ZNF644: variants seen among roughly 807,000 people sequenced by gnomAD.
ZNF644 encodes the protein zinc finger protein 644, also known as zinc finger motif enhancer binding protein 2.
A neutral mutation model predicts 108.0 loss-of-function variants in ZNF644; 20 were observed. That is an observed-to-expected ratio of 0.19 (90% CI 0.13 to 0.27). The LOEUF (loss-of-function observed/expected upper bound fraction) is 0.27. ZNF644 is among the 10% of genes least tolerant of loss of function. The pLI is 1.00. For missense variants in ZNF644, 1,338 were observed against 1,548.9 expected (o/e 0.86, Z 2.29); for synonymous variants, 542 against 539.1 (o/e 1.01, Z -0.08).
intron 1 of ZNF644, among the ~76,000 whole-genome samples, chr1:90,988,254 CAA>C (rs1236474115): frequency 6.6e-6 from 1 of 152,044 alleles, no homozygotes; most frequent in Non-Finnish European, 1.5e-5. Context: ...AATTGTATTT[CAA>C]TGAGCAATTT....
At position 90,916,703 on chromosome 1, in the gene ZNF644, TA is replaced by T; in HGVS notation, c.*94del. On this transcript the variant is annotated 3_prime_UTR_variant, in exon 6 of 6. Transcript: ENST00000337393. Reference sequence around the variant, plus strand: ...TCACTTTCCCCCCATTTTCCTGCTTTAGTATTTATAAACAGATAATTTAATG... The same window carrying T: ...TCACTTTCCCCCCATTTTCCTGCTTTGTATTTATAAACAGATAATTTAATG... The T allele has an allele frequency of 1.4e-6, 2 of 1,381,710 alleles. No homozygotes were observed. The highest frequency in any genetic ancestry group is 2.0e-6 in the Non-Finnish European group (2 of 986,028). 85.6% of individuals were successfully genotyped at this position (1,381,710 alleles called of 1,614,324 possible). A position where few individuals can be genotyped will look rare whatever the true frequency, so the allele number is the denominator to read the frequency against.
At chr1:90,991,947 T>A (rs1220688469) in intron 1 of ZNF644, among the ~76,000 whole-genome samples, 1 of 152,158 alleles carries the variant, frequency 6.6e-6, no homozygotes, top group Non-Finnish European at 1.5e-5. Context: ...AATCCTCACA[T>A]TAAACACCTG....
chr1:91,002,871 GAT>G (rs1557653479), intron 1 of ZNF644, among the ~76,000 whole-genome samples: 1 of 152,058 alleles, frequency 6.6e-6, no homozygotes, highest in Non-Finnish European at 1.5e-5. Flanking sequence ...GTGGGCAAAG[GAT>G]ATGAACAGAC....
At chr1:90,960,175 T>C (rs1226130085) in intron 2 of ZNF644, among the ~76,000 whole-genome samples, 2 of 152,112 alleles carry the variant, frequency 1.3e-5, no homozygotes, top group Non-Finnish European at 2.9e-5. Context: ...CTGTAAGCCG[T>C]TTCCTTTACA....
chr1:90,981,986 G>C (rs1329317112), intron 2 of ZNF644, among the ~76,000 whole-genome samples: 1 of 152,064 alleles, frequency 6.6e-6, no homozygotes, highest in Admixed American at 6.5e-5. Context: ...TCTTACTGAA[G>C]TGGTCAGAGT....
At position 90,940,284 on chromosome 1, in the gene ZNF644, A is replaced by C. The variant is rs1651814834; in HGVS notation, c.1070T>G (p.Val357Gly). Residue 357 changes from valine to glycine, a missense_variant, in exon 3 of 6, where the codon GTG becomes GGG. Transcript: ENST00000337393. Reference sequence around the variant, plus strand: ...ATAAATTAGATGTTGGAAGGCATCCACAGATTCTAAGTCTTCATCAGTTGA... The same window carrying C: ...ATAAATTAGATGTTGGAAGGCATCCCCAGATTCTAAGTCTTCATCAGTTGA... ...PESTDEDLESVDAFQHLIYNP... is the reference protein window; with the variant it reads ...PESTDEDLESGDAFQHLIYNP... 1.9e-6 allele frequency: 3 copies of C among 1,613,896 alleles called. No homozygotes were observed. Among genetic ancestry groups the C allele is most frequent in the Admixed American group, 3.3e-5 (2 of 59,988 alleles).
At chr1:90,980,411 G>A (rs767434641) in intron 2 of ZNF644, among the ~76,000 whole-genome samples, 1 of 152,144 alleles carries the variant, frequency 6.6e-6, no homozygotes, top group Non-Finnish European at 1.5e-5. Context: ...CAGCATTCTG[G>A]CATAGCTACG....
At chr1:90,998,447 A>T (rs1658400840) in intron 1 of ZNF644, among the ~76,000 whole-genome samples, 1 of 152,206 alleles carries the variant, frequency 6.6e-6, no homozygotes, top group South Asian at 2.1e-4. Flanking sequence ...TCTGGAGTGG[A>T]CCTCCAGCAA....
chr1:90,923,065 G>A (rs1336412338), intron 4 of ZNF644, among the ~76,000 whole-genome samples: 1 of 152,100 alleles, frequency 6.6e-6, no homozygotes, highest in Non-Finnish European at 1.5e-5. Flanking sequence ...TTGCTGAGAA[G>A]CCAAAGTTTC....
chr1:90,918,471 T>G (rs1649056797), intron 4 of ZNF644: 1 of 244,370 alleles, frequency 4.1e-6, no homozygotes, highest in East Asian at 8.5e-5. Flanking sequence ...ACTAAATTGG[T>G]CAATTATTAC....
rs1348685273 is a variant in ZNF644 at position 91,013,466 on chromosome 1, CACACACACACACACACAT to C, written c.-18+8506_-18+8523del. Among the ~76,000 whole-genome samples, 999 of 149,416 alleles carry C rather than the reference CACACACACACACACACAT, an allele frequency of 6.7e-3. 13 individuals carry two copies. Among genetic ancestry groups the C allele is most frequent in the African/African-American group, 0.024 (932 of 39,342 alleles). On this transcript the variant is annotated intron_variant, in intron 1 of 5. Transcript: ENST00000337393. ...AATCTCTCTCTCACACACACACACA[CACACACACACACACACAT>C]ACACACACACACACACATATACACA...
chr1:91,006,022 T>C (rs548976298), intron 1 of ZNF644, among the ~76,000 whole-genome samples: 2 of 151,982 alleles, frequency 1.3e-5, no homozygotes, highest in African/African-American at 4.8e-5. Flanking sequence ...TAAGAAAAGA[T>C]TTAGATCACT....
intron 1 of ZNF644, among the ~76,000 whole-genome samples, chr1:90,987,115 C>A: frequency 7.0e-6 from 1 of 143,726 alleles, no homozygotes; most frequent in Non-Finnish European, 1.5e-5. Flanking sequence ...TCTCAAGGAA[C>A]TAGAAAAAAG....
chr1:90,958,426 T>C (rs1346442190), intron 2 of ZNF644, among the ~76,000 whole-genome samples: 2 of 152,068 alleles, frequency 1.3e-5, no homozygotes, highest in African/African-American at 4.8e-5. Flanking sequence ...GATTCAACTC[T>C]ATCCCTATCA....
intron 1 of ZNF644, among the ~76,000 whole-genome samples, chr1:91,016,240 C>A (rs1484631037): frequency 1.3e-5 from 2 of 152,172 alleles, no homozygotes; most frequent in African/African-American, 4.8e-5. Context: ...CCCCTCTCCT[C>A]CCCAATAAAT....
chr1:90,931,626 A>ATT (rs1650738955), intron 4 of ZNF644, among the ~76,000 whole-genome samples: 1 of 152,136 alleles, frequency 6.6e-6, no homozygotes, highest in Non-Finnish European at 1.5e-5. Flanking sequence ...GTTCTGGGCA[A>ATT]AACTTTAATC....
intron 1 of ZNF644, among the ~76,000 whole-genome samples, chr1:91,000,908 T>A (rs192899693): frequency 1.3e-5 from 2 of 152,130 alleles, no homozygotes; most frequent in Non-Finnish European, 2.9e-5. Flanking sequence ...TATAAACACC[T>A]CTATGCAAAC....
intron 1 of ZNF644, among the ~76,000 whole-genome samples, chr1:91,008,508 A>G (rs17131250): frequency 0.016 from 2,384 of 152,330 alleles, 62 homozygotes; most frequent in African/African-American, 0.052. Context: ...TTAAGCAAGC[A>G]ATTCAGAGCA....
In ZNF644 at chr1:90,918,060, G is replaced by A; in HGVS notation, c.3783C>T (p.Leu1261=). 2 of 1,613,802 alleles carry A rather than the reference G, an allele frequency of 1.2e-6. No individual in the cohort carries two copies. The highest frequency in any genetic ancestry group is 1.7e-6 in the Non-Finnish European group (2 of 1,179,768). The change falls in exon 5 of 6, where the codon CTC becomes CTT. Residue 1261 remains leucine, a synonymous_variant. Coordinates refer to ENST00000337393, the MANE Select transcript of ZNF644 (RefSeq NM_201269.3). ...GCAATATAGGCATATACCTGCATCG[G>A]AGAATGTAAACCTCGTCAGCACCAT... The part of the protein sequence containing the change: ...LPHGADEVYI[L]RCRFCGLVFR...
Sources: allele counts gnomAD v4.1 joint callset (sites outside exome capture counted in the v4.1 genomes callset), GRCh38; gene constraint gnomAD v4.1.1; transcripts MANE v1.5; gene names NCBI Gene and HGNC (gene_info 2026-07-23, HGNC 2026-07-21).